The following SRGAP2C variants were observed in gnomAD, a reference collection of about 807,000 sequenced individuals.
The protein encoded by SRGAP2C is SLIT-ROBO Rho GTPase activating protein 2C, also known as SLIT-ROBO Rho GTPase-activating protein 2C.
A neutral mutation model predicts 25.1 loss-of-function variants in SRGAP2C; 15 were observed. The ratio of observed to expected loss-of-function variants is 0.60; its 90% CI spans 0.40 to 0.92. SRGAP2C has a LOEUF of 0.92. Among genes scored for constraint, SRGAP2C ranks in the 40% least tolerant of loss-of-function variants. The pLI is 0.00. For synonymous variants in SRGAP2C, 44 were observed against 96.6 expected (o/e 0.46, Z 3.19); for missense variants, 144 against 264.4 (o/e 0.54, Z 3.16).
chr1:121,354,266 CTTTCTTTCTTT>C (rs1658995218), intron 4 of SRGAP2C, among the ~76,000 whole-genome samples: 1 of 7,710 alleles, frequency 1.3e-4, no homozygotes, highest in Non-Finnish European at 3.2e-4. Flanking sequence ...TCTCTCCTTT[CTTTCTTTCTTT>C]CTTTCTTTCT....
In SRGAP2C at chr1:121,208,525, G is replaced by A. The variant is rs587772606; in HGVS notation, c.67+21012G>A. Among the ~76,000 whole-genome samples the A allele has an allele frequency of 1.2e-4, 19 of 152,330 alleles. No homozygotes were observed. The South Asian group carries it at 3.3e-3, about 27-fold the overall frequency. ...AATACGGATGGGTAAATGATAAATA[G>A]CAAGTCTGCCAGGTTGAGCACATTG... On this transcript the variant is annotated intron_variant, in intron 2 of 9. Coordinates refer to ENST00000367123, the MANE Select transcript of SRGAP2C (RefSeq NM_001329984.2).
intron 2 of SRGAP2C, among the ~76,000 whole-genome samples, chr1:121,198,349 G>T (rs1158394300): frequency 7.0e-6 from 1 of 142,888 alleles, no homozygotes; most frequent in East Asian, 2.1e-4. Context: ...TCAGTGGAGA[G>T]GTGACCCAGA....
intron 2 of SRGAP2C, among the ~76,000 whole-genome samples, chr1:121,269,948 T>C (rs1553334989): frequency 6.6e-6 from 1 of 151,758 alleles, no homozygotes; most frequent in Non-Finnish European, 1.5e-5. Flanking sequence ...TAGCTTATCT[T>C]TTTTTTGTTG....
chr1:121,298,210 T>C (rs1451959967), intron 3 of SRGAP2C, among the ~76,000 whole-genome samples: 2 of 149,582 alleles, frequency 1.3e-5, no homozygotes, highest in South Asian at 2.1e-4. Context: ...AGGTGTCATA[T>C]AGTTCAACCT....
intron 2 of SRGAP2C, among the ~76,000 whole-genome samples, chr1:121,210,366 A>G (rs1471669312): frequency 6.7e-6 from 1 of 149,630 alleles, no homozygotes; most frequent in African/African-American, 2.5e-5. Flanking sequence ...CAAAGGAGCC[A>G]TTTTCCAATC....
intron 4 of SRGAP2C, among the ~76,000 whole-genome samples, chr1:121,348,815 GTACTA>G (rs1658819565): frequency 7.3e-6 from 1 of 137,012 alleles, no homozygotes; most frequent in Admixed American, 7.7e-5. Flanking sequence ...GCGTCTGTAA[GTACTA>G]AGTGCTTTTT....
intron 4 of SRGAP2C, among the ~76,000 whole-genome samples, chr1:121,348,623 G>A (rs1375037514): frequency 1.3e-5 from 2 of 149,468 alleles, no homozygotes; most frequent in Non-Finnish European, 3.0e-5. Flanking sequence ...AAAATTTATG[G>A]CCTTTCTTCC....
At chr1:121,208,505 G>A (rs1445752095) in intron 2 of SRGAP2C, among the ~76,000 whole-genome samples, 5 of 152,120 alleles carry the variant, frequency 3.3e-5, no homozygotes, top group Admixed American at 2.6e-4. Context: ...CTCTGAATAC[G>A]GATGGGTAAA....
At chr1:121,235,001 CTCTT>C (rs1165280754) in intron 2 of SRGAP2C, among the ~76,000 whole-genome samples, 4 of 150,478 alleles carry the variant, frequency 2.7e-5, no homozygotes, top group Non-Finnish European at 5.9e-5. Flanking sequence ...CACTCTCTCT[CTCTT>C]TCTTTCTCTT....
At chr1:121,366,964 G>A (rs1408696484) in intron 5 of SRGAP2C, among the ~76,000 whole-genome samples, 4 of 104,318 alleles carry the variant, frequency 3.8e-5, no homozygotes, top group African/African-American at 1.0e-4. Context: ...GTGAAAGGGC[G>A]TAAGCTGTGT....
At chr1:121,348,469 A>T (rs1252703487) in intron 4 of SRGAP2C, among the ~76,000 whole-genome samples, 1 of 152,036 alleles carries the variant, frequency 6.6e-6, no homozygotes, top group South Asian at 2.1e-4. Context: ...TAACCAGAAT[A>T]TTCTAGCAGC....
In SRGAP2C at chr1:121,350,699, T is replaced by C. The variant is rs371176982; in HGVS notation, c.424-14594T>C. ...GATCTTGGATTAGGCAATGATTTCT[T>C]ACATATGACACCAAAGCACAAGCAA... is the stretch of plus-strand genomic sequence containing the variant. On this transcript the variant is annotated intron_variant, in intron 4 of 9. Transcript: ENST00000367123. Among the ~76,000 whole-genome samples the C allele has an allele frequency of 5.3e-5, 8 of 152,288 alleles. No homozygotes were observed. The East Asian group carries it at 1.5e-3, about 29-fold the overall frequency.
chr1:121,217,174 CT>C (rs1465704252), intron 2 of SRGAP2C, among the ~76,000 whole-genome samples: 1 of 151,928 alleles, frequency 6.6e-6, no homozygotes, highest in Non-Finnish European at 1.5e-5. Context: ...AGGCCTACCC[CT>C]AATGAAGAAA....
intron 2 of SRGAP2C, among the ~76,000 whole-genome samples, chr1:121,192,681 G>A (rs1263174431): frequency 6.6e-6 from 1 of 151,704 alleles, no homozygotes; most frequent in Non-Finnish European, 1.5e-5. Flanking sequence ...CATGCAGGTT[G>A]AAAACTTAGA....
chr1:121,378,656 T>C (rs2101671863), intron 7 of SRGAP2C, among the ~76,000 whole-genome samples: 1 of 152,058 alleles, frequency 6.6e-6, no homozygotes, highest in East Asian at 2.0e-4. Context: ...ATCTTAACAT[T>C]ATTCATTACT....
At chr1:121,201,875 G>T (rs1654989463) in intron 2 of SRGAP2C, among the ~76,000 whole-genome samples, 1 of 152,192 alleles carries the variant, frequency 6.6e-6, no homozygotes. Context: ...GGAGTGAGGA[G>T]CTAGCATTGT....
intron 2 of SRGAP2C, among the ~76,000 whole-genome samples, chr1:121,202,482 G>A (rs1195083026): frequency 2.1e-5 from 3 of 145,568 alleles, no homozygotes; most frequent in Non-Finnish European, 4.5e-5. Flanking sequence ...AGGCTGGAGT[G>A]CAGTGATGTT....
At chr1:121,281,129 G>A in intron 2 of SRGAP2C, among the ~76,000 whole-genome samples, 1 of 151,436 alleles carries the variant, frequency 6.6e-6, no homozygotes, top group Non-Finnish European at 1.5e-5. Context: ...GCCTTCTTGG[G>A]GACCATTGTT....
intron 2 of SRGAP2C, among the ~76,000 whole-genome samples, chr1:121,280,972 TTTC>T (rs1657228812): frequency 7.4e-6 from 1 of 135,306 alleles, no homozygotes. Context: ...AAATTGCCTC[TTTC>T]TTCTTTCTGC....
Sources: gnomAD v4.1 joint callset for allele counts (sites outside exome capture counted in the v4.1 genomes callset) on GRCh38, gnomAD v4.1.1 for gene constraint, MANE v1.5 for transcripts, NCBI Gene and HGNC (gene_info 2026-07-23, HGNC 2026-07-21) for gene names.